SPATA9: variants seen among roughly 807,000 people sequenced by gnomAD.
SPATA9 encodes spermatogenesis-associated protein 9.
A neutral mutation model predicts 25.5 loss-of-function variants in SPATA9; 27 were observed. The ratio of observed to expected loss-of-function variants is 1.06; its 90% CI spans 0.78 to 1.46. The LOEUF (loss-of-function observed/expected upper bound fraction) is 1.46. Ranked by LOEUF, SPATA9 falls within the 40% of genes most tolerant of loss-of-function variation. The pLI is 0.00. For missense variants in SPATA9, 282 were observed against 297.5 expected, an observed-to-expected ratio of 0.95 and a Z score of 0.38; for synonymous variants, 102 against 105.7, an observed-to-expected ratio of 0.97 and a Z score of 0.21.
intron 1 of SPATA9, among the ~76,000 whole-genome samples, chr5:95,695,813 C>T (rs746300306): frequency 6.6e-6 from 1 of 152,218 alleles, no homozygotes; most frequent in African/African-American, 2.4e-5. Flanking sequence ...GTGTAATCCA[C>T]TTCCCTTGAG....
intron 3 of SPATA9, 138 bp from the exon 4 acceptor site, chr5:95,664,186 C>T: frequency 2.2e-6 from 1 of 450,868 alleles, no homozygotes; most frequent in Non-Finnish European, 3.9e-6. Context: ...TGGGCTTTTT[C>T]ACATTGTGAA....
the SPATA9 span, chr5:95,731,327 G>A: frequency 9.2e-7 from 1 of 1,086,856 alleles, no homozygotes; most frequent in African/African-American, 1.7e-5. Flanking sequence ...GAGGAGCAGC[G>A]GCAGCGGCAG....
the SPATA9 span, among the ~76,000 whole-genome samples, chr5:95,707,702 T>C: frequency 6.6e-6 from 1 of 152,136 alleles, no homozygotes. Context: ...TTCTTGGACG[T>C]GCTGGGAGTC....
the SPATA9 span, among the ~76,000 whole-genome samples, chr5:95,727,356 C>T: frequency 6.6e-6 from 1 of 152,194 alleles, no homozygotes; most frequent in Non-Finnish European, 1.5e-5. Flanking sequence ...CTTACTTCCT[C>T]TCCAGCTGTT....
intron 4 of SPATA9, among the ~76,000 whole-genome samples, chr5:95,661,917 G>A (rs188283636): frequency 6.6e-6 from 1 of 151,740 alleles, no homozygotes; most frequent in East Asian, 1.9e-4. Context: ...GTGTAAGAAT[G>A]CTAACAAAAA....
At chr5:95,656,524 A>T (rs901064489), downstream of SPATA9, 13 of 458,892 alleles carry the variant, frequency 2.8e-5, 1 homozygote, top group Admixed American at 3.0e-4. Context: ...TTCTGGATTA[A>T]TTAGAAACCT....
the SPATA9 span, chr5:95,731,654 G>A: frequency 2.1e-4 from 338 of 1,612,930 alleles, no homozygotes; most frequent in Non-Finnish European, 2.7e-4. Flanking sequence ...TTTTCTCCGA[G>A]TCGCCGCCCT....
intron 2 of SPATA9, 125 bp downstream of exon 2, chr5:95,682,403 G>T: frequency 1.4e-6 from 1 of 696,556 alleles, no homozygotes; most frequent in Non-Finnish European, 2.3e-6. Context: ...GTTTTTCTGA[G>T]GCAAAATTAG....
intron 1 of SPATA9, among the ~76,000 whole-genome samples, chr5:95,697,952 T>C (rs1010745305): frequency 6.7e-6 from 1 of 149,650 alleles, no homozygotes; most frequent in Non-Finnish European, 1.5e-5. Flanking sequence ...GTACATTTCC[T>C]TGAGGCAATC....
chr5:95,730,758 C>T, the SPATA9 span: 46 of 370,172 alleles, frequency 1.2e-4, no homozygotes, highest in African/African-American at 8.5e-4. Flanking sequence ...CCCCCCAAGG[C>T]GACATTAGCA....
chr5:95,731,743 G>C, the SPATA9 span: 1 of 1,609,866 alleles, frequency 6.2e-7, no homozygotes, highest in Non-Finnish European at 8.5e-7. Context: ...TGCGCCCCAG[G>C]GACAGGGGCT....
intron 1 of SPATA9, among the ~76,000 whole-genome samples, chr5:95,696,336 A>T (rs1462512336): frequency 6.6e-6 from 1 of 152,198 alleles, no homozygotes; most frequent in Admixed American, 6.5e-5. Flanking sequence ...CTATTTTCTA[A>T]AATAAAAAAT....
At chr5:95,699,562 A>T (rs1445713978), upstream of SPATA9, among the ~76,000 whole-genome samples, 1 of 152,230 alleles carries the variant, frequency 6.6e-6, no homozygotes, top group East Asian at 1.9e-4. Flanking sequence ...GTAGCCATAG[A>T]AATGAAATAG....
rs772422436 is a variant in SPATA9 at position 95,664,076 on chromosome 5, TAAAC to T, written c.379-32_379-29del. On this transcript the variant is annotated intron_variant, in intron 3 of 4. Transcript: ENST00000274432. Reference sequence around the variant, plus strand: ...GCAAAAACAGAAAAGATTTTCTTAATAAACAAACATTTTCAGTGTTTCAATGTCA... The same window carrying T: ...GCAAAAACAGAAAAGATTTTCTTAATAAACATTTTCAGTGTTTCAATGTCA... 128 of 1,355,054 alleles carry T rather than the reference TAAAC, an allele frequency of 9.4e-5. 1 individual carries two copies. Among genetic ancestry groups the T allele is most frequent in the Middle Eastern group, 3.9e-4 (2 of 5,172 alleles). 83.9% of individuals were successfully genotyped at this position (1,355,054 alleles called of 1,614,324 possible).
At chr5:95,731,018 C>T in the SPATA9 span, 2 of 855,016 alleles carry the variant, frequency 2.3e-6, no homozygotes, top group Non-Finnish European at 3.2e-6. Context: ...GGGGCCCCAT[C>T]GCCCCACCCC....
At chr5:95,653,577 CA>C (rs1235565549), downstream of SPATA9, among the ~76,000 whole-genome samples, 2 of 152,302 alleles carry the variant, frequency 1.3e-5, no homozygotes, top group African/African-American at 4.8e-5. Context: ...GTCTCTAACG[CA>C]AAGTAATGAC....
downstream of SPATA9, chr5:95,657,017 T>C (rs939781463): frequency 6.6e-6 from 1 of 152,122 alleles, no homozygotes; most frequent in Non-Finnish European, 1.5e-5. Context: ...TCAAGGCAGA[T>C]CTTGAAGTAA....
chr5:95,711,467 AG>A, the SPATA9 span, among the ~76,000 whole-genome samples: 1 of 152,138 alleles, frequency 6.6e-6, no homozygotes, highest in Non-Finnish European at 1.5e-5. Flanking sequence ...AAGTAGAAAA[AG>A]GGACATAAAC....
At chr5:95,711,726 G>A in the SPATA9 span, among the ~76,000 whole-genome samples, 3 of 152,222 alleles carry the variant, frequency 2.0e-5, no homozygotes, top group Admixed American at 2.0e-4. Flanking sequence ...ACCGGCAGAG[G>A]GTTGAGGCGA....
Sources: gnomAD v4.1 joint callset for allele counts (sites outside exome capture counted in the v4.1 genomes callset) on GRCh38, gnomAD v4.1.1 for gene constraint, MANE v1.5 for transcripts, NCBI Gene and HGNC (gene_info 2026-07-23, HGNC 2026-07-21) for gene names.